Variants in ZNF221 observed in about 807,000 individuals in gnomAD.
The protein encoded by ZNF221 is zinc finger protein 221.
In ZNF221, 10 loss-of-function variants were observed where a neutral mutation model predicts 12.6. The observed-to-expected ratio is 0.79, with a 90% CI of 0.49 to 1.34. The LOEUF (loss-of-function observed/expected upper bound fraction) is 1.34, where lower values mean the gene tolerates loss of function less well. Ranked by LOEUF, ZNF221 falls within the 40% of genes most tolerant of loss-of-function variation. The probability of loss-of-function intolerance (pLI) is 0.00; values close to 1 mark genes in which losing one functional copy is unlikely to be tolerated. For missense variants in ZNF221, 661 were observed against 721.4 expected, an observed-to-expected ratio of 0.92 and a Z score of 0.96; for synonymous variants, 232 against 244.0, an observed-to-expected ratio of 0.95 and a Z score of 0.46.
At chr19:43,973,962 G>C in the ZNF221 span, among the ~76,000 whole-genome samples, 1 of 152,080 alleles carries the variant, frequency 6.6e-6, no homozygotes, top group Non-Finnish European at 1.5e-5. Flanking sequence ...AAGCAAAAAA[G>C]AACAAAGCTG....
intron 1 of ZNF221, among the ~76,000 whole-genome samples, chr19:43,958,284 T>C (rs1227434589): frequency 6.6e-6 from 1 of 152,298 alleles, no homozygotes; most frequent in South Asian, 2.1e-4. Context: ...GGGGTATCCA[T>C]GCGAAAGGGG....
chr19:43,951,958 C>G (rs1311242956), intron 1 of ZNF221, among the ~76,000 whole-genome samples: 1 of 143,146 alleles, frequency 7.0e-6, no homozygotes, highest in African/African-American at 2.6e-5. Flanking sequence ...ACTGCAGGCT[C>G]CGCCTCCCGG....
At chr19:43,979,617 G>A in the ZNF221 span, among the ~76,000 whole-genome samples, 2 of 152,132 alleles carry the variant, frequency 1.3e-5, no homozygotes, top group Non-Finnish European at 2.9e-5. Flanking sequence ...TCGTGGGTTA[G>A]TGTTCCATCT....
Position 43,966,540 on chromosome 19 carries a change from C to T in ZNF221, c.1038C>T (p.Asn346=), listed in dbSNP as rs759489476. 3 of 1,614,104 alleles carry T rather than the reference C, an allele frequency of 1.9e-6. No individual in the cohort carries two copies. The highest frequency in any genetic ancestry group is 2.5e-6 in the Non-Finnish European group (3 of 1,180,020). The change falls in exon 5 of 5, where the codon AAC becomes AAT. Residue 346 remains asparagine, a synonymous_variant. Coordinates refer to ENST00000587682, the MANE Select transcript of ZNF221 (RefSeq NM_001297588.2). Reference sequence around the variant, plus strand: ...TCAGATGTGATACATGTGGCAAGAACTTTCGTCAGAGATCAGCACTTAATA... The same window carrying T: ...TCAGATGTGATACATGTGGCAAGAATTTTCGTCAGAGATCAGCACTTAATA... ...KPFRCDTCGK[N]FRQRSALNSH...
chr19:43,958,265 A>G (rs1974788603), intron 1 of ZNF221, among the ~76,000 whole-genome samples: 1 of 152,186 alleles, frequency 6.6e-6, no homozygotes, highest in African/African-American at 2.4e-5. Context: ...CTTTTTACAA[A>G]AGTCACGTGG....
At position 43,965,294 on chromosome 19, in the gene ZNF221, GAAGACAAC is replaced by G; in HGVS notation, c.274_281del (p.Thr92ProfsTer13). 1 of 1,613,692 alleles carries G rather than the reference GAAGACAAC, an allele frequency of 6.2e-7. No individual in the cohort carries two copies. The highest frequency in any genetic ancestry group is 1.3e-5 in the African/African-American group (1 of 75,012). On this transcript the variant is annotated frameshift_variant, in exon 4 of 5. Transcript: ENST00000587682. LOFTEE classifies it low-confidence loss of function (END_TRUNC). ...TAGGGAAGGAAAAGTTTTGGAAGAT[GAAGACAAC>G]AAGCCAAAGAGAAGGGAATTCAGGT...
In ZNF221 at chr19:43,966,297, T is replaced by G. The variant is rs774398446; in HGVS notation, c.795T>G (p.Ser265Arg). Residue 265 changes from serine to arginine, a missense_variant, in exon 5 of 5, where the codon AGT (serine) becomes AGG (arginine). Physicochemically the swap from Ser to Arg is moderately radical, Grantham distance 110 (BLOSUM62 -1). Coordinates refer to ENST00000587682, the MANE Select transcript of ZNF221 (RefSeq NM_001297588.2). ...GGCAATGTGGGAAAGGCTTCCATAGTAGATCAGCACTTAATGTTCATTGCA... is the reference window on the plus strand; with the variant it reads ...GGCAATGTGGGAAAGGCTTCCATAGGAGATCAGCACTTAATGTTCATTGCA... Reference protein sequence around the residue: ...KCGQCGKGFHSRSALNVHCKL... With the variant: ...KCGQCGKGFHRRSALNVHCKL... The G allele has an allele frequency of 1.2e-6, 2 of 1,613,328 alleles. No individual in the cohort carries two copies. Among genetic ancestry groups the G allele is most frequent in the Non-Finnish European group, 1.7e-6 (2 of 1,179,300 alleles).
chr19:43,973,701 G>A, the ZNF221 span, among the ~76,000 whole-genome samples: 1 of 152,254 alleles, frequency 6.6e-6, no homozygotes, highest in African/African-American at 2.4e-5. Flanking sequence ...CAAGGGAAGC[G>A]AAGGACCCCT....
chr19:43,968,139 A>C (rs1975017276), downstream of ZNF221: 1 of 152,306 alleles, frequency 6.6e-6, no homozygotes, highest in Non-Finnish European at 1.5e-5. Flanking sequence ...ATCCATGCTG[A>C]TGATACATTT....
Position 43,966,671 on chromosome 19 carries a change from G to T in ZNF221, c.1169G>T (p.Gly390Val). 6.2e-7 allele frequency: 1 copy of T among 1,614,226 alleles called. No individual in the cohort carries two copies. The highest frequency in any genetic ancestry group is 1.1e-5 in the South Asian group (1 of 91,088). Residue 390 changes from glycine (G) to valine (V), a missense_variant, in exon 5 of 5, where the codon GGA becomes GTA. Physicochemically the swap from Gly to Val is moderately radical, Grantham distance 109. Coordinates refer to ENST00000587682, the MANE Select transcript of ZNF221 (RefSeq NM_001297588.2). The part of the protein sequence containing the change: ...DFCKHQMVHT[G>V]EKPYNCKECG... ...TGTAAGCATCAGATGGTCCACACAG[G>T]AGAGAAACCATATAATTGTAAAGAA...
intron 2 of ZNF221, 56 bp downstream of exon 2, chr19:43,962,863 C>G: frequency 1.3e-6 from 2 of 1,526,020 alleles, no homozygotes; most frequent in Non-Finnish European, 1.8e-6. Flanking sequence ...CTCATATTGT[C>G]ACATTTTTAT....
At chr19:43,963,528 T>A (rs761210195) in intron 2 of ZNF221, among the ~76,000 whole-genome samples, 2 of 152,076 alleles carry the variant, frequency 1.3e-5, no homozygotes, top group African/African-American at 2.4e-5. Flanking sequence ...GTATGCATGT[T>A]ATTTATTGGT....
chr19:43,967,626 C>G lies in ZNF221; in HGVS notation c.*270C>G. 2.9e-6 allele frequency: 1 copy of G among 347,770 alleles called. No homozygotes were observed. The highest frequency in any genetic ancestry group is 5.2e-6 in the Non-Finnish European group (1 of 191,696). 21.5% of individuals were successfully genotyped at this position (347,770 alleles called of 1,614,324 possible). On this transcript the variant is annotated 3_prime_UTR_variant, in exon 5 of 5. Coordinates refer to ENST00000587682, the MANE Select transcript of ZNF221 (RefSeq NM_001297588.2). Reference sequence around the variant, plus strand: ...CCCGAGTAGCTGGGACTACAGGTGCCCGCCACCACACCCAGCTAATTTTTT... The same window carrying G: ...CCCGAGTAGCTGGGACTACAGGTGCGCGCCACCACACCCAGCTAATTTTTT...
chr19:43,978,957 TG>T, the ZNF221 span, among the ~76,000 whole-genome samples: 129 of 135,524 alleles, frequency 9.5e-4, no homozygotes, highest in Admixed American at 1.4e-3. Context: ...TTTTTTTTTT[TG>T]ATACACTATG....
chr19:43,961,232 C>T (rs1218197922), intron 1 of ZNF221, among the ~76,000 whole-genome samples: 1 of 152,216 alleles, frequency 6.6e-6, no homozygotes, highest in Non-Finnish European at 1.5e-5. Flanking sequence ...AGGCTCAAGC[C>T]ACAGCACCTG....
chr19:43,964,726 T>A (rs768230256), intron 2 of ZNF221, among the ~76,000 whole-genome samples: 14 of 152,192 alleles, frequency 9.2e-5, no homozygotes, highest in Admixed American at 6.5e-5. Context: ...AAAGTAAAAG[T>A]ACAGGACTTC....
chr19:43,964,831 C>A, intron 2 of ZNF221, 119 bp from the exon 3 acceptor site: 1 of 1,341,296 alleles, frequency 7.5e-7, no homozygotes, highest in Non-Finnish European at 1.0e-6. Context: ...GTATGTTGAC[C>A]TACATCCCTC....
the ZNF221 span, among the ~76,000 whole-genome samples, chr19:43,979,542 T>C: frequency 0.11 from 17,106 of 152,036 alleles, 1,022 homozygotes; most frequent in East Asian, 0.14. Context: ...CACTTGAAAT[T>C]ATTTAAAAGT....
At chr19:43,959,184 A>T (rs47775) in intron 1 of ZNF221, among the ~76,000 whole-genome samples, 112,703 of 152,152 alleles carry the variant, frequency 0.74, 43,669 homozygotes, top group South Asian at 0.87. Context: ...TTGAGTAAAG[A>T]TTCCTTAAGA....
Sources: gnomAD v4.1 joint callset for allele counts (sites outside exome capture counted in the v4.1 genomes callset) on GRCh38, gnomAD v4.1.1 for gene constraint, MANE v1.5 for transcripts, NCBI Gene and HGNC (gene_info 2026-07-23, HGNC 2026-07-21) for gene names.